GTF2IRD1: variants seen among roughly 807,000 people sequenced by gnomAD.
The protein encoded by GTF2IRD1 is GTF2I repeat domain containing 1, also known as general transcription factor II-I repeat domain-containing protein 1.
A neutral mutation model predicts 113.2 loss-of-function variants in GTF2IRD1; 26 were observed. That is an observed-to-expected ratio of 0.23 (90% confidence interval 0.17 to 0.32). GTF2IRD1 has a LOEUF of 0.32. Among genes scored for constraint, GTF2IRD1 ranks in the 10% least tolerant of loss-of-function variants. The pLI is 1.00. For synonymous variants in GTF2IRD1, 484 were observed against 529.1 expected (o/e 0.91, Z 1.17); for missense variants, 864 against 1,280.8 (o/e 0.67, Z 4.97).
chr7:74,600,043 G>A (rs1802654931), intron 25 of GTF2IRD1, among the ~76,000 whole-genome samples: 1 of 152,178 alleles, frequency 6.6e-6, no homozygotes, highest in South Asian at 2.1e-4. Flanking sequence ...GATCTTGGAG[G>A]GTTGCTGGGA....
chr7:74,543,464 C>A (rs2130633676), intron 14 of GTF2IRD1, among the ~76,000 whole-genome samples: 1 of 152,348 alleles, frequency 6.6e-6, no homozygotes, highest in Middle Eastern at 3.4e-3. Flanking sequence ...CAGAGCGAGA[C>A]TCTGTCTCAA....
At chr7:74,510,894 C>A (rs571268853) in intron 2 of GTF2IRD1, among the ~76,000 whole-genome samples, 11 of 152,022 alleles carry the variant, frequency 7.2e-5, no homozygotes, top group African/African-American at 2.6e-4. Flanking sequence ...ACTGAAAATA[C>A]AAAAATTAGC....
intron 1 of GTF2IRD1, among the ~76,000 whole-genome samples, chr7:74,490,599 C>A (rs1192106506): frequency 6.9e-6 from 1 of 145,708 alleles, no homozygotes; most frequent in East Asian, 2.2e-4. Flanking sequence ...TTTGTTCTCT[C>A]AAGCTTCTTT....
chr7:74,457,860 T>C (rs1584435746), intron 1 of GTF2IRD1, among the ~76,000 whole-genome samples: 1 of 149,954 alleles, frequency 6.7e-6, no homozygotes, highest in Middle Eastern at 3.6e-3. Context: ...TTGGAATCCA[T>C]GCTGAGTTAC....
At chr7:74,482,456 G>C (rs576863171) in intron 1 of GTF2IRD1, among the ~76,000 whole-genome samples, 36 of 152,034 alleles carry the variant, frequency 2.4e-4, no homozygotes, top group Non-Finnish European at 4.7e-4. Flanking sequence ...TCAAATTTCT[G>C]GGCTCAAGTG....
chr7:74,483,463 T>C (rs1374619810), intron 1 of GTF2IRD1, among the ~76,000 whole-genome samples: 6 of 152,108 alleles, frequency 3.9e-5, no homozygotes, highest in Admixed American at 3.9e-4. Context: ...AAAGAATCGC[T>C]TGAGCCCAGG....
chr7:74,555,255 G>A lies in GTF2IRD1; in HGVS notation c.1966+32G>A. The A allele has an allele frequency of 1.2e-6, 2 of 1,603,276 alleles. No individual in the cohort carries two copies. Among genetic ancestry groups the A allele is most frequent in the African/African-American group, 2.7e-5 (2 of 74,800 alleles). On this transcript the variant is annotated intron_variant, in intron 18 of 26. Transcript: ENST00000424337. This position sits in a 1 kb window ranked among gnomAD's most constrained non-coding sequence, Gnocchi z 5.3. ...AGCGCGGGGTCGGGAGCCATGGTGT[G>A]GGCGGGCAAGGGAGGGCCCCAGGCC...
chr7:74,471,312 G>C (rs1297932593), intron 1 of GTF2IRD1, among the ~76,000 whole-genome samples: 1 of 152,060 alleles, frequency 6.6e-6, no homozygotes, highest in African/African-American at 2.4e-5. Context: ...GAGGCAGGAG[G>C]ATCGCTTGAG....
chr7:74,565,219 G>A (rs781885278), intron 22 of GTF2IRD1, among the ~76,000 whole-genome samples: 30 of 152,240 alleles, frequency 2.0e-4, no homozygotes, highest in Non-Finnish European at 2.8e-4. Flanking sequence ...TGCCTGCAGC[G>A]GCACTGAATT....
chr7:74,487,959 G>C (rs928716799), intron 1 of GTF2IRD1, among the ~76,000 whole-genome samples: 1 of 152,036 alleles, frequency 6.6e-6, no homozygotes, highest in Non-Finnish European at 1.5e-5. Flanking sequence ...TAAGAGGGTG[G>C]TGGGACTAGA....
At chr7:74,557,209 C>T (rs1799652123) in intron 19 of GTF2IRD1, among the ~76,000 whole-genome samples, 2 of 152,132 alleles carry the variant, frequency 1.3e-5, no homozygotes, top group Admixed American at 6.5e-5. Context: ...CAGGCCCATC[C>T]CCTGTGTCTG....
At chr7:74,557,750 G>A in intron 20 of GTF2IRD1, 28 bp downstream of exon 20, 4 of 1,394,316 alleles carry the variant, frequency 2.9e-6, no homozygotes, top group South Asian at 2.4e-5. Flanking sequence ...CCCGGGGAGG[G>A]ACACGCAGCT....
intron 22 of GTF2IRD1, among the ~76,000 whole-genome samples, chr7:74,565,678 A>C (rs1396104799): frequency 1.3e-5 from 2 of 150,364 alleles, no homozygotes; most frequent in East Asian, 4.0e-4. Context: ...GGTCATAAAA[A>C]CCTAAAGGGG....
chr7:74,466,510 C>T (rs967960791), intron 1 of GTF2IRD1, among the ~76,000 whole-genome samples: 2 of 152,142 alleles, frequency 1.3e-5, no homozygotes, highest in Non-Finnish European at 2.9e-5. Flanking sequence ...TGAGCCTCAT[C>T]GTTTCTAAAA....
At chr7:74,570,075 C>T (rs1800600735) in intron 22 of GTF2IRD1, among the ~76,000 whole-genome samples, 1 of 152,068 alleles carries the variant, frequency 6.6e-6, no homozygotes, top group Non-Finnish European at 1.5e-5. Context: ...TCAGAAGCAA[C>T]AGCAGGGCCG....
chr7:74,584,398 T>C (rs1457919452), intron 22 of GTF2IRD1, among the ~76,000 whole-genome samples: 1 of 152,008 alleles, frequency 6.6e-6, no homozygotes, highest in African/African-American at 2.4e-5. Flanking sequence ...TGAGCCAAAA[T>C]CATGCCACTG....
At chr7:74,484,541 C>T (rs1475748194) in intron 1 of GTF2IRD1, among the ~76,000 whole-genome samples, 1 of 151,610 alleles carries the variant, frequency 6.6e-6, no homozygotes, top group Non-Finnish European at 1.5e-5. Flanking sequence ...TTACTGCAAC[C>T]TCCACCCTCC....
chr7:74,468,253 G>T (rs541247938), intron 1 of GTF2IRD1, among the ~76,000 whole-genome samples: 1 of 152,092 alleles, frequency 6.6e-6, no homozygotes, highest in African/African-American at 2.4e-5. Flanking sequence ...TGTAATTTTA[G>T]CACTTCGGAA....
chr7:74,601,510 C>T (rs1034306992), intron 26 of GTF2IRD1: 34 of 1,420,474 alleles, frequency 2.4e-5, no homozygotes, highest in South Asian at 6.1e-5. Flanking sequence ...CAGTGGCTCA[C>T]GCCTGTAATC....
Sources: allele counts gnomAD v4.1 joint callset (sites outside exome capture counted in the v4.1 genomes callset), GRCh38; gene constraint gnomAD v4.1.1; non-coding constraint Gnocchi (gnomAD v3.1); transcripts MANE v1.5; gene names NCBI Gene and HGNC (gene_info 2026-07-23, HGNC 2026-07-21).